EPPK1: variants seen among roughly 807,000 people sequenced by gnomAD.
EPPK1 encodes epiplakin 1, also known as epiplakin.
For synonymous variants in EPPK1, 1,862 were observed against 1,721.2 expected (o/e 1.08, Z -2.03); for missense variants, 3,823 against 3,673.3 (o/e 1.04, Z -1.05).
chr8:143,873,797 G>C (rs555238214), intron 1 of EPPK1, among the ~76,000 whole-genome samples: 54 of 149,300 alleles, frequency 3.6e-4, no homozygotes, highest in African/African-American at 1.3e-3. Flanking sequence ...CCCCACCCCA[G>C]CTCCAGTGAT....
chr8:143,870,166 G>A lies in EPPK1; in HGVS notation c.3088C>T (p.Leu1030Phe). 1 of 1,611,900 alleles carries A rather than the reference G, an allele frequency of 6.2e-7. No homozygotes were observed. The highest frequency in any genetic ancestry group is 1.1e-5 in the South Asian group (1 of 90,920). ...VSVFQAMKKG[L>F]IPWEQAARLL... ...CGGGCAGCTTGCTCCCAAGGGATGA[G>A]ACCTTTCTTCATGGCCTGGAACACA... is the stretch of plus-strand genomic sequence containing the variant. Residue 1030 changes from leucine to phenylalanine, a missense_variant, in exon 2 of 2, where the codon CTC (leucine) becomes TTC (phenylalanine). By Grantham distance (22) the Leu-to-Phe change is conservative. Transcript: ENST00000615648. This position sits in a 1 kb window ranked among gnomAD's most constrained non-coding sequence, Gnocchi z 5.2.
In EPPK1 at chr8:143,873,363, G is replaced by A. The variant is rs79528319; in HGVS notation, c.-45-65C>T. ...GCCTGGTGGGCACGAGGGAAGATGC[G>A]GTCATGGGGCAATCCCATGCTGTCC... is the stretch of plus-strand genomic sequence containing the variant. On this transcript the variant is annotated intron_variant, in intron 1 of 1. Transcript: ENST00000615648. 23 of 1,201,946 alleles carry A rather than the reference G, an allele frequency of 1.9e-5. No individual in the cohort carries two copies. The East Asian group carries it at 2.2e-4, about 12-fold the overall frequency. The allele number at this position is 1,201,946 out of a possible 1,614,324, so 74.5% of individuals were successfully genotyped here.
chr8:143,858,017 C>G lies in EPPK1; in HGVS notation c.15237G>C (p.Gly5079=), dbSNP rs781963208. The stretch of plus-strand genomic sequence containing the variant: ...GTAGAGAGAGAGAAAGAAATAGGAG[C>G]CCCGTCTCAGGGTCCAGGGTGGCCC... ...LQRATLDPET[G]LLFLSLSLQ The change falls in exon 2 of 2, where the codon GGG becomes GGC. Residue 5079 remains glycine, a synonymous_variant. Coordinates refer to ENST00000615648, the MANE Select transcript of EPPK1 (RefSeq NM_031308.4). 6 of 1,609,830 alleles carry G rather than the reference C, an allele frequency of 3.7e-6. No homozygotes were observed. The highest frequency in any genetic ancestry group is 5.1e-6 in the Non-Finnish European group (6 of 1,178,076).
In EPPK1 at chr8:143,867,751, T is replaced by C. The variant is rs552597500; in HGVS notation, c.5503A>G (p.Ile1835Val). The C allele has an allele frequency of 7.4e-6, 12 of 1,613,778 alleles. No homozygotes were observed. Among genetic ancestry groups the C allele is most frequent in the African/African-American group, 5.3e-5 (4 of 75,028 alleles). ...TGGTTTTGCGTCTCTGTTTCTTCAATTGTCGTGGTGATGATTTCCAGCAAT... is the reference window on the plus strand; with the variant it reads ...TGGTTTTGCGTCTCTGTTTCTTCAACTGTCGTGGTGATGATTTCCAGCAAT... ...EKLLEIITTT[I>V]EETETQNQGI... Residue 1835 changes from isoleucine (I) to valine (V), a missense_variant, in exon 2 of 2, where the codon ATT becomes GTT. Physicochemically the swap from Ile to Val is conservative, Grantham distance 29. Coordinates refer to ENST00000615648, the MANE Select transcript of EPPK1 (RefSeq NM_031308.4).
chr8:143,866,372 G>T lies in EPPK1; in HGVS notation c.6882C>A (p.Gly2294=), dbSNP rs1350314576. ...CCGACAGCAGCTTCTCCTGGATCTC[G>T]CCGCCCACCACGCCCGCGGCCACGG... ...EEAVAAGVVG[G]EIQEKLLSAE... Residue 2294 remains glycine, a synonymous_variant, in exon 2 of 2, where the codon GGC becomes GGA. Transcript: ENST00000615648. 3.0e-5 allele frequency: 25 copies of T among 833,044 alleles called. No individual in the cohort carries two copies. Among genetic ancestry groups the T allele is most frequent in the Non-Finnish European group, 4.2e-5 (24 of 570,492 alleles). The allele number at this position is 833,044 out of a possible 1,614,324, so 51.6% of individuals were successfully genotyped here.
In EPPK1 at chr8:143,868,249, T is replaced by G. The variant is rs1554659839; in HGVS notation, c.5005A>C (p.Lys1669Gln). 3 of 1,613,110 alleles carry G rather than the reference T, an allele frequency of 1.9e-6. No homozygotes were observed. In the Admixed American group the frequency reaches 5.0e-5, roughly 27 times the overall value. The change falls in exon 2 of 2, where the codon AAG (lysine) becomes CAG (glutamine). Residue 1669 changes from lysine (K) to glutamine (Q), a missense_variant. By Grantham distance (53) the Lys-to-Gln change is moderately conservative (BLOSUM62 1). Transcript: ENST00000615648. ...CCGTGCTCCCGGACGATGAGGTCCT[T>G]CTGCATGGCCTGGAAGAGGGAGATC... The part of the protein sequence containing the change: ...QQISLFQAMQ[K>Q]DLIVREHGIR...
Position 143,878,448 on chromosome 8 carries a change from G to GC in EPPK1, c.-57dup, listed in dbSNP as rs1819533308. ...CCGCACCCGCCGCACCTGCCCGCTCGCCGCTCGGTCCGCAGTGTCTCCGCG... is the reference window on the plus strand; with the variant it reads ...CCGCACCCGCCGCACCTGCCCGCTCGCCCGCTCGGTCCGCAGTGTCTCCGCG... On this transcript the variant is annotated 5_prime_UTR_variant, in exon 1 of 2. Transcript: ENST00000615648. 1.2e-5 allele frequency: 1 copy of GC among 81,540 alleles called. No homozygotes were observed. Among genetic ancestry groups the GC allele is most frequent in the South Asian group, 2.5e-4 (1 of 4,016 alleles). The allele number at this position is 81,540 out of a possible 1,614,324, so 5.1% of individuals were successfully genotyped here.
At position 143,870,772 on chromosome 8, in the gene EPPK1, C is replaced by T. The variant is rs1819318179; in HGVS notation, c.2482G>A (p.Gly828Arg). The change falls in exon 2 of 2, where the codon GGG becomes AGG. Residue 828 changes from glycine (G) to arginine (R), a missense_variant. Gly to Arg is a moderately radical substitution (Grantham distance 125). Transcript: ENST00000615648. This position sits in a 1 kb window ranked among gnomAD's most constrained non-coding sequence, Gnocchi z 5.2. ...LLSVKYGRFQ[G>R]QRVSAWELIN... is the part of the protein sequence containing the mutation. ...AGCTCCCACGCGGAGACCCTCTGCC[C>T]CTGAAACCGTCCATACTTCACGGAG... 6.2e-7 allele frequency: 1 copy of T among 1,612,680 alleles called. No individual in the cohort carries two copies. Among genetic ancestry groups the T allele is most frequent in the Non-Finnish European group, 8.5e-7 (1 of 1,179,852 alleles).
In EPPK1 at chr8:143,872,892, C is replaced by T. The variant is rs1554661755; in HGVS notation, c.362G>A (p.Gly121Asp). 2 of 1,603,106 alleles carry T rather than the reference C, an allele frequency of 1.2e-6. No individual in the cohort carries two copies. Among genetic ancestry groups the T allele is most frequent in the East Asian group, 2.2e-5 (1 of 44,794 alleles). Reference sequence around the variant, plus strand: ...CTCACCGCCGTAGGGGTCAGGATAGCCCGTAGTGGCACGCTCAGCGGCCAG... The same window carrying T: ...CTCACCGCCGTAGGGGTCAGGATAGTCCGTAGTGGCACGCTCAGCGGCCAG... ...KLLAAERATT[G>D]YPDPYGGEKL... Residue 121 changes from glycine (G) to aspartate (D), a missense_variant, in exon 2 of 2, where the codon GGC becomes GAC. Transcript: ENST00000615648.
chr8:143,857,914 A>T lies in EPPK1; in HGVS notation c.*73T>A. The T allele has an allele frequency of 1.2e-6, 1 of 841,180 alleles. No individual in the cohort carries two copies. The highest frequency in any genetic ancestry group is 1.7e-6 in the Non-Finnish European group (1 of 593,344). The allele number at this position is 841,180 out of a possible 1,614,324, so 52.1% of individuals were successfully genotyped here. ...AGAATGACAAAAAAAAAAAAAAAAA[A>T]AAAAACAACCCAGACACACAAGTAT... On this transcript the variant is annotated 3_prime_UTR_variant, in exon 2 of 2. Transcript: ENST00000615648.
rs1272589070 is a variant in EPPK1 at position 143,858,152 on chromosome 8, G to T, written c.15102C>A (p.Gly5034=). 6 of 1,613,070 alleles carry T rather than the reference G, an allele frequency of 3.7e-6. No homozygotes were observed. Among genetic ancestry groups the T allele is most frequent in the Admixed American group, 3.3e-5 (2 of 60,000 alleles). The change falls in exon 2 of 2, where the codon GGC becomes GGA. Residue 5034 remains glycine, a synonymous_variant. Coordinates refer to ENST00000615648, the MANE Select transcript of EPPK1 (RefSeq NM_031308.4). ...RVPVDVAYRR[G]YFDEEMNRVL... ...CGCGGTTCATCTCCTCGTCGAAGTA[G>T]CCGCGCCGGTAGGCCACGTCCACGG...
At chr8:143,876,733 G>T (rs2130661081) in intron 1 of EPPK1, among the ~76,000 whole-genome samples, 1 of 152,380 alleles carries the variant, frequency 6.6e-6, no homozygotes, top group Non-Finnish European at 1.5e-5. Flanking sequence ...ACTCACTATG[G>T]CATCCAGGCC....
rs1554660875 is a variant in EPPK1 at position 143,870,701 on chromosome 8, C to A, written c.2553G>T (p.Leu851=). ...YFSEGRRRQL[L]RRYRQREVTL... Reference sequence around the variant, plus strand: ...TGACCTCGCGCTGCCGGTAGCGACGCAGCAGCTGCCTCCTGCGGCCCTCGC... The same window carrying A: ...TGACCTCGCGCTGCCGGTAGCGACGAAGCAGCTGCCTCCTGCGGCCCTCGC... Residue 851 remains leucine (L), a synonymous_variant, in exon 2 of 2, where the codon CTG becomes CTT. Transcript: ENST00000615648. This position sits in a 1 kb window ranked among gnomAD's most constrained non-coding sequence, Gnocchi z 5.2. 3.1e-6 allele frequency: 5 copies of A among 1,610,630 alleles called. No individual in the cohort carries two copies. The highest frequency in any genetic ancestry group is 3.4e-6 in the Non-Finnish European group (4 of 1,178,826).
Position 143,870,503 on chromosome 8 carries a change from T to C in EPPK1, c.2751A>G (p.Leu917=), listed in dbSNP as rs782220661. Residue 917 remains leucine (L), a synonymous_variant, in exon 2 of 2, where the codon CTA becomes CTG. Coordinates refer to ENST00000615648, the MANE Select transcript of EPPK1 (RefSeq NM_031308.4). The surrounding 1 kb of genome is among the most constrained non-coding windows in gnomAD (Gnocchi z 5.2). ...GGTACCTGCGGACGCCGTCCATGAGTAGGAGGGCCTCCGGGCTGATTGTCC... is the reference window on the plus strand; with the variant it reads ...GGTACCTGCGGACGCCGTCCATGAGCAGGAGGGCCTCCGGGCTGATTGTCC... ...LAGTISPEAL[L]LMDGVRRYLC... 1.9e-6 allele frequency: 3 copies of C among 1,607,068 alleles called. No individual in the cohort carries two copies. Among genetic ancestry groups the C allele is most frequent in the Non-Finnish European group, 2.5e-6 (3 of 1,176,734 alleles).
At position 143,857,629 on chromosome 8, in the gene EPPK1, A is replaced by C. The variant is rs1357298164; in HGVS notation, c.*358T>G. On this transcript the variant is annotated 3_prime_UTR_variant, in exon 2 of 2. Coordinates refer to ENST00000615648, the MANE Select transcript of EPPK1 (RefSeq NM_031308.4). ...CGCATGTAATAAAAATTACACTGCA[A>C]CAAGAGTACCCGATGGCATGATGGA... 4 of 260,664 alleles carry C rather than the reference A, an allele frequency of 1.5e-5. No individual in the cohort carries two copies. Among genetic ancestry groups the C allele is most frequent in the African/African-American group, 8.8e-5 (4 of 45,322 alleles). The allele number at this position is 260,664 out of a possible 1,614,324, so 16.1% of individuals were successfully genotyped here.
chr8:143,873,102 G>T lies in EPPK1; in HGVS notation c.152C>A (p.Ser51Ter). 1 of 1,558,808 alleles carries T rather than the reference G, an allele frequency of 6.4e-7. No homozygotes were observed. The highest frequency in any genetic ancestry group is 1.2e-5 in the South Asian group (1 of 83,882). ...GGCGTAGACACTCTGGGCCTGGCCC[G>T]AGGCCTCCACATACACCCCAGCTAT... ...RSIAGVYVEA[S>*]GQAQSVYAAM... is the part of the protein sequence containing the mutation. The change falls in exon 2 of 2, where the codon TCG (serine) becomes TAG (stop). Residue 51 changes from serine (S) to a stop codon, truncating the protein, a stop_gained. Transcript: ENST00000615648. LOFTEE classifies it low-confidence loss of function (END_TRUNC).
chr8:143,867,349 G>A lies in EPPK1; in HGVS notation c.5905C>T (p.Leu1969=), dbSNP rs781792099. 1.9e-6 allele frequency: 3 copies of A among 1,612,736 alleles called. No homozygotes were observed. In the African/African-American group the frequency reaches 4.0e-5, roughly 22 times the overall value. ...LVNEELRERL[L]KAERAATGYR... is the part of the protein sequence containing the mutation. ...CCCGTGGCAGCTCTTTCAGCCTTCA[G>A]GAGCCTCTCCCGCAGCTCCTCGTTC... The change falls in exon 2 of 2, where the codon CTG becomes TTG. Residue 1969 remains leucine, a synonymous_variant. Coordinates refer to ENST00000615648, the MANE Select transcript of EPPK1 (RefSeq NM_031308.4).
In EPPK1 at chr8:143,872,750, G is replaced by C. The variant is rs369489967; in HGVS notation, c.504C>G (p.Leu168=). The C allele has an allele frequency of 1.3e-6, 2 of 1,592,656 alleles. No individual in the cohort carries two copies. The highest frequency in any genetic ancestry group is 2.3e-5 in the South Asian group (2 of 88,828). Residue 168 remains leucine, a synonymous_variant, in exon 2 of 2, where the codon CTC becomes CTG. Coordinates refer to ENST00000615648, the MANE Select transcript of EPPK1 (RefSeq NM_031308.4). ...GGLVDPAQGV[L]VAPEPACHQG... ...GGTGGCAGGCTGGCTCAGGGGCCAC[G>C]AGCACTCCCTGGGCGGGGTCCACCA...
intron 1 of EPPK1, among the ~76,000 whole-genome samples, chr8:143,877,078 G>A (rs1225277615): frequency 2.0e-5 from 3 of 152,278 alleles, no homozygotes; most frequent in Admixed American, 1.3e-4. Context: ...AGGGAGTCGG[G>A]GGCAGGCTTG....
Sources: gnomAD v4.1 joint callset for allele counts (sites outside exome capture counted in the v4.1 genomes callset) on GRCh38, gnomAD v4.1.1 for gene constraint, Gnocchi (gnomAD v3.1) non-coding constraint, MANE v1.5 for transcripts, NCBI Gene and HGNC (gene_info 2026-07-23, HGNC 2026-07-21) for gene names.